The following CERS5 variants were observed in gnomAD, a reference collection of about 807,000 sequenced individuals.
The protein encoded by CERS5 is ceramide synthase 5.
A neutral mutation model predicts 58.9 loss-of-function variants in CERS5; 37 were observed. The ratio of observed to expected loss-of-function variants is 0.63; its 90% confidence interval spans 0.48 to 0.83. The LOEUF is 0.83. CERS5 is among the 40% of genes least tolerant of loss of function. CERS5 has a pLI of 0.00. For synonymous variants in CERS5, 147 were observed against 177.8 expected, an observed-to-expected ratio of 0.83 and a Z score of 1.38; for missense variants, 398 against 489.3, an observed-to-expected ratio of 0.81 and a Z score of 1.76.
intron 1 of CERS5, among the ~76,000 whole-genome samples, chr12:50,149,741 T>G (rs929106496): frequency 6.6e-6 from 1 of 152,160 alleles, no homozygotes; most frequent in Non-Finnish European, 1.5e-5. Context: ...ATGTTATTTA[T>G]GTATTTATTT....
chr12:50,143,877 G>C, intron 2 of CERS5, 75 bp downstream of exon 2: 2 of 873,358 alleles, frequency 2.3e-6, no homozygotes, highest in Non-Finnish European at 3.9e-6. Flanking sequence ...TTAGAGGTAC[G>C]TGCTCTCTAT....
In CERS5 at chr12:50,135,991, C is replaced by T. The variant is rs1202417328; in HGVS notation, c.715G>A (p.Val239Met). The T allele has an allele frequency of 7.9e-6, 12 of 1,523,382 alleles. No individual in the cohort carries two copies. In the South Asian group the frequency reaches 1.6e-4, roughly 21 times the overall value. The allele number at this position is 1,523,382 out of a possible 1,614,324, so 94.4% of individuals were successfully genotyped here. A position where few individuals can be genotyped will look rare whatever the true frequency, so the allele number is the denominator to read the frequency against. Reference protein sequence around the residue: ...SFSYINNMVRVGTLIMCLHDV... With the variant: ...SFSYINNMVRMGTLIMCLHDV... The stretch of plus-strand genomic sequence containing the variant: ...TGTAGACACATGATCAGAGTTCCCA[C>T]TCGAACCATATTGTTGATGTAGGAG... The change falls in exon 7 of 10, where the codon GTG becomes ATG. Residue 239 changes from valine (V) to methionine (M), a missense_variant. Physicochemically the swap from Val to Met is conservative, Grantham distance 21. Transcript: ENST00000317551.
chr12:50,149,418 A>G (rs7294548), intron 1 of CERS5, among the ~76,000 whole-genome samples: 107,596 of 152,024 alleles, frequency 0.71, 39,179 homozygotes, highest in East Asian at 0.92. Flanking sequence ...CCAGATACAT[A>G]GCAGCAGTTG....
chr12:50,131,532 G>A (rs1435072205), intron 9 of CERS5, among the ~76,000 whole-genome samples: 5 of 143,140 alleles, frequency 3.5e-5, no homozygotes, highest in Non-Finnish European at 6.0e-5. Context: ...GCACTCCAGC[G>A]TGGGCGACAG....
chr12:50,164,360 A>G (rs1475263508), intron 1 of CERS5, among the ~76,000 whole-genome samples: 1 of 151,592 alleles, frequency 6.6e-6, no homozygotes, highest in African/African-American at 2.4e-5. Context: ...GCTTGAGCCA[A>G]AGAGGTCGAG....
At chr12:50,130,758 G>T in intron 9 of CERS5, 64 bp from the exon 10 acceptor site, 1 of 1,458,414 alleles carries the variant, frequency 6.9e-7, no homozygotes, top group Non-Finnish European at 9.3e-7. Context: ...TAAGCTCAGA[G>T]ACCCAGGTGT....
chr12:50,165,151 G>C (rs369750449), intron 1 of CERS5: 2 of 152,248 alleles, frequency 1.3e-5, no homozygotes, highest in South Asian at 2.1e-4. Flanking sequence ...CGGGCGCGGC[G>C]GTTCACGCTT....
At chr12:50,148,565 CCA>C (rs751487484) in intron 1 of CERS5, 26 of 346,988 alleles carry the variant, frequency 7.5e-5, no homozygotes, top group Middle Eastern at 5.3e-4. Flanking sequence ...CCACTGCACT[CCA>C]GTCTGGGCGA....
Position 50,161,784 on chromosome 12 carries a change from G to GAAAAAAA in CERS5, c.197+5310_197+5316dup, listed in dbSNP as rs374177550. 5.0e-3 allele frequency among the ~76,000 whole-genome samples: 457 copies of GAAAAAAA among 90,872 alleles called. 23 individuals are homozygous for GAAAAAAA. The highest frequency in any genetic ancestry group is 0.02 in the African/African-American group (425 of 21,660). 59.6% of individuals were successfully genotyped at this position (90,872 alleles called of 152,430 possible). A position where few individuals can be genotyped will look rare whatever the true frequency, so the allele number is the denominator to read the frequency against. Reference sequence around the variant, plus strand: ...AGAGTGAGACTCCGTCTCAAAAAAAGAAAAAAAAAAAAAAAAGCAAAGTTC... The same window carrying GAAAAAAA: ...AGAGTGAGACTCCGTCTCAAAAAAAGAAAAAAAAAAAAAAAAAAAAAAAGCAAAGTTC... On this transcript the variant is annotated intron_variant, in intron 1 of 9. Coordinates refer to ENST00000317551, the MANE Select transcript of CERS5 (RefSeq NM_147190.5).
rs1354286685 is a variant in CERS5 at position 50,167,162 on chromosome 12, G to A, written c.136C>T (p.His46Tyr). The A allele has an allele frequency of 3.1e-6, 5 of 1,597,818 alleles. No homozygotes were observed. The highest frequency in any genetic ancestry group is 3.3e-4 in the Middle Eastern group (2 of 6,022). Residue 46 changes from histidine (H) to tyrosine (Y), a missense_variant, in exon 1 of 10, where the codon CAC becomes TAC. Physicochemically the swap from His to Tyr is moderately conservative, Grantham distance 83. Transcript: ENST00000317551. ...GCCAGCGGGAACACCGAGAGGATGT[G>A]CCGGCCGCGGGGGTAACCGTAGCCG... ...ADGYGYPRGR[H>Y]ILSVFPLAAG...
At chr12:50,162,184 CTTTTTTTTTTT>C (rs75460499) in intron 1 of CERS5, among the ~76,000 whole-genome samples, 3 of 129,356 alleles carry the variant, frequency 2.3e-5, no homozygotes, top group South Asian at 4.8e-4. Context: ...CTGATTTGTT[CTTTTTTTTTTT>C]TTTTTTTTTT....
At chr12:50,134,483 A>T in intron 9 of CERS5, 63 bp downstream of exon 9, 3 of 1,613,048 alleles carry the variant, frequency 1.9e-6, no homozygotes, top group Non-Finnish European at 2.5e-6. Flanking sequence ...ATGGAGAGAG[A>T]ACGTCTGTTG....
At chr12:50,137,317 G>A (rs1336929552) in intron 6 of CERS5, among the ~76,000 whole-genome samples, 2 of 152,072 alleles carry the variant, frequency 1.3e-5, no homozygotes. Context: ...TGAGTAAGTG[G>A]GGTAACCAGA....
chr12:50,150,514 TAGAG>T (rs1937843523), intron 1 of CERS5, among the ~76,000 whole-genome samples: 1 of 151,984 alleles, frequency 6.6e-6, no homozygotes, highest in African/African-American at 2.4e-5. Context: ...GATATATATA[TAGAG>T]AGAAAGAACA....
In CERS5 at chr12:50,130,418, T is replaced by G. The variant is rs2137970470; in HGVS notation, c.*127A>C. 2 of 810,076 alleles carry G rather than the reference T, an allele frequency of 2.5e-6. No individual in the cohort carries two copies. Among genetic ancestry groups the G allele is most frequent in the South Asian group, 3.7e-5 (1 of 27,320 alleles). 50.2% of individuals were successfully genotyped at this position (810,076 alleles called of 1,614,324 possible). On this transcript the variant is annotated 3_prime_UTR_variant, in exon 10 of 10. Coordinates refer to ENST00000317551, the MANE Select transcript of CERS5 (RefSeq NM_147190.5). ...TTCTTTCAAAGTGAAAATATTTGCT[T>G]CTTTGATACTCCTCAGTGCCTTGCA... is the stretch of plus-strand genomic sequence containing the variant.
At chr12:50,134,751 A>G (rs1951540187) in intron 8 of CERS5, 49 bp from the exon 9 acceptor site, 1 of 1,553,738 alleles carries the variant, frequency 6.4e-7, no homozygotes. Flanking sequence ...AGCTCAGCAG[A>G]CAGGGATGAA....
intron 6 of CERS5, among the ~76,000 whole-genome samples, chr12:50,136,824 A>G (rs1951720229): frequency 6.6e-6 from 1 of 152,234 alleles, no homozygotes; most frequent in Non-Finnish European, 1.5e-5. Flanking sequence ...GGAAGTCTCT[A>G]AATACTTGAG....
chr12:50,135,620 T>C (rs1436122645), intron 8 of CERS5, 112 bp downstream of exon 8: 3 of 853,966 alleles, frequency 3.5e-6, no homozygotes, highest in South Asian at 2.7e-5. Context: ...TTGTGTTCTA[T>C]TGGCGAAAGT....
Position 50,138,584 on chromosome 12 carries a change from G to A in CERS5, c.526C>T (p.His176Tyr), listed in dbSNP as rs1299732758. Residue 176 changes from histidine (H) to tyrosine (Y), a missense_variant, in exon 5 of 10, where the codon CAT (histidine) becomes TAT (tyrosine). His to Tyr is a moderately conservative substitution (Grantham distance 83, BLOSUM62 2). Around this residue, in one of 3 missense-constraint regions of CERS5, gnomAD observed 328 missense variants for 384.5 expected, o/e 0.85. Transcript: ENST00000317551. ...PWFWDIRQCW[H>Y]NYPFQPLSSG... ...GATCCTACCTGAAATGGATAGTTAT[G>A]CCAGCACTGTCGGATGTCCCAGAAC... 1.2e-6 allele frequency: 2 copies of A among 1,613,558 alleles called. No homozygotes were observed. Among genetic ancestry groups the A allele is most frequent in the Non-Finnish European group, 1.7e-6 (2 of 1,179,702 alleles).
Sources: gnomAD v4.1 joint callset for allele counts (sites outside exome capture counted in the v4.1 genomes callset) on GRCh38, gnomAD v4.1.1 for gene constraint, gnomAD v4.1.1 regional missense constraint, MANE v1.5 for transcripts, NCBI Gene and HGNC (gene_info 2026-07-23, HGNC 2026-07-21) for gene names.